TCF12: variants seen among roughly 807,000 people sequenced by gnomAD.
The protein encoded by TCF12 is DNA-binding protein HTF4.
TCF12 carries 45 observed loss-of-function variants against 86.0 expected under a neutral mutation model. The observed-to-expected ratio is 0.52, with a 90% CI of 0.41 to 0.67. The LOEUF is 0.67. Among genes scored for constraint, TCF12 ranks in the 30% least tolerant of loss-of-function variants. The pLI is 0.00. For synonymous variants in TCF12, 330 were observed against 299.6 expected, an observed-to-expected ratio of 1.10 and a Z score of -1.05; for missense variants, 881 against 859.9, an observed-to-expected ratio of 1.02 and a Z score of -0.31.
chr15:57,101,588 C>T (rs1199806343), intron 5 of TCF12, among the ~76,000 whole-genome samples: 1 of 152,214 alleles, frequency 6.6e-6, no homozygotes, highest in East Asian at 1.9e-4. Flanking sequence ...TACGCATGTG[C>T]ACGCGTGCGT....
At chr15:57,252,927 C>CTTTTTTTTTTTTTTTT (rs57946842) in intron 15 of TCF12, among the ~76,000 whole-genome samples, 1 of 89,774 alleles carries the variant, frequency 1.1e-5, no homozygotes, top group Non-Finnish European at 2.3e-5. Context: ...ATAGGTTGTA[C>CTTTTTTTTTTTTTTTT]TTTTTTTTTT....
chr15:57,243,227 A>G (rs566845287), intron 12 of TCF12, among the ~76,000 whole-genome samples: 125 of 152,290 alleles, frequency 8.2e-4, no homozygotes, highest in Middle Eastern at 3.4e-3. Flanking sequence ...AGTTATTTTC[A>G]CCTAGAATAA....
chr15:57,069,962 C>T (rs901021596), intron 4 of TCF12, among the ~76,000 whole-genome samples: 5 of 152,158 alleles, frequency 3.3e-5, no homozygotes, highest in Non-Finnish European at 7.3e-5. Context: ...ATTTCTGGCA[C>T]TTCTGCCTCA....
intron 8 of TCF12, chr15:57,219,158 C>G (rs1276270500): frequency 1.9e-6 from 2 of 1,069,220 alleles, no homozygotes; most frequent in African/African-American, 1.6e-5. Flanking sequence ...GTATGCCTTC[C>G]TTTTGTGTGT....
chr15:57,065,546 A>G (rs913032852), intron 4 of TCF12, among the ~76,000 whole-genome samples: 19 of 152,022 alleles, frequency 1.2e-4, no homozygotes, highest in African/African-American at 4.3e-4. Context: ...CTTTGTAATA[A>G]CTTGTTATCT....
At chr15:57,259,998 C>A (rs2060516136) in intron 16 of TCF12, among the ~76,000 whole-genome samples, 1 of 152,216 alleles carries the variant, frequency 6.6e-6, no homozygotes, top group Non-Finnish European at 1.5e-5. Context: ...CTGCTAACTT[C>A]ATTGACATGA....
chr15:56,932,009 G>T (rs1229830724), intron 3 of TCF12, among the ~76,000 whole-genome samples: 2 of 152,086 alleles, frequency 1.3e-5, no homozygotes, highest in Non-Finnish European at 2.9e-5. Context: ...ATAGTGCCAG[G>T]GTCTCTCTTG....
chr15:56,965,475 A>G (rs982363704), intron 3 of TCF12, among the ~76,000 whole-genome samples: 1 of 152,184 alleles, frequency 6.6e-6, no homozygotes, highest in Non-Finnish European at 1.5e-5. Flanking sequence ...TTCTTTCCAC[A>G]ATCTGAATGA....
chr15:56,964,611 C>T (rs1278286480), intron 3 of TCF12, among the ~76,000 whole-genome samples: 1 of 152,180 alleles, frequency 6.6e-6, no homozygotes, highest in African/African-American at 2.4e-5. Context: ...GGGATTTCTT[C>T]CTTCTCTAAC....
intron 3 of TCF12, among the ~76,000 whole-genome samples, chr15:56,925,786 T>A (rs1336090787): frequency 6.6e-6 from 1 of 152,146 alleles, no homozygotes; most frequent in Non-Finnish European, 1.5e-5. Context: ...TGAAAGTATG[T>A]TTATGGATGG....
chr15:57,277,048 C>T (rs1487173607), intron 19 of TCF12, among the ~76,000 whole-genome samples: 2 of 152,050 alleles, frequency 1.3e-5, no homozygotes, highest in Admixed American at 6.5e-5. Flanking sequence ...TCAGGTGATC[C>T]GCCTACCTCA....
intron 6 of TCF12, among the ~76,000 whole-genome samples, chr15:57,184,612 A>G (rs1346692681): frequency 6.6e-6 from 1 of 152,198 alleles, no homozygotes; most frequent in South Asian, 2.1e-4. Context: ...TTGAAATACC[A>G]ATGATATTTA....
At chr15:57,080,206 G>A (rs2070503934) in intron 4 of TCF12, among the ~76,000 whole-genome samples, 1 of 152,178 alleles carries the variant, frequency 6.6e-6, no homozygotes, top group Non-Finnish European at 1.5e-5. Context: ...GTTAGGTTTT[G>A]TATATCTAAT....
intron 18 of TCF12, among the ~76,000 whole-genome samples, chr15:57,269,360 CTTTTTTTTTTTTTTTTTTTT>C (rs56700978): frequency 3.1e-5 from 1 of 31,944 alleles, no homozygotes; most frequent in South Asian, 1.8e-3. Flanking sequence ...ACAACCCCTG[CTTTTTTTTTTTTTTTTTTTT>C]TTTTTTTTTT....
intron 3 of TCF12, among the ~76,000 whole-genome samples, chr15:57,044,666 G>T (rs888602130): frequency 1.3e-5 from 2 of 151,606 alleles, no homozygotes; most frequent in African/African-American, 4.9e-5. Flanking sequence ...TTTCTTTGAA[G>T]TAGAGCTTTT....
chr15:57,281,708 C>T (rs1180708335), intron 19 of TCF12: 1 of 152,252 alleles, frequency 6.6e-6, no homozygotes, highest in Non-Finnish European at 1.5e-5. Flanking sequence ...GAATCTAATG[C>T]CTGATGTGTC....
At chr15:56,928,719 A>G (rs1230720225) in intron 3 of TCF12, among the ~76,000 whole-genome samples, 2 of 152,158 alleles carry the variant, frequency 1.3e-5, no homozygotes, top group Admixed American at 6.5e-5. Flanking sequence ...CCTTTTGAAA[A>G]TCCTTTTCCA....
intron 4 of TCF12, chr15:57,072,741 G>C: frequency 7.8e-7 from 1 of 1,276,956 alleles, no homozygotes; most frequent in South Asian, 1.3e-5. Flanking sequence ...TATTGCATCT[G>C]TGTTCCCATT....
intron 3 of TCF12, among the ~76,000 whole-genome samples, chr15:56,959,732 G>A (rs1053597402): frequency 6.6e-6 from 1 of 151,840 alleles, no homozygotes; most frequent in Non-Finnish European, 1.5e-5. Context: ...TTTTACATTC[G>A]GATATCAAAT....
Sources: gnomAD v4.1 joint callset for allele counts (sites outside exome capture counted in the v4.1 genomes callset) on GRCh38, gnomAD v4.1.1 for gene constraint, MANE v1.5 for transcripts, NCBI Gene and HGNC (gene_info 2026-07-23, HGNC 2026-07-21) for gene names.